Variants in TTC23 observed in about 807,000 individuals in gnomAD.
The protein encoded by TTC23 is tetratricopeptide repeat protein 23.
Under a neutral mutation model 55.1 loss-of-function variants are expected in TTC23, and 58 were observed. That is an observed-to-expected ratio of 1.05 (90% CI 0.85 to 1.31). TTC23 has a LOEUF of 1.31. TTC23 is among the 50% of genes most tolerant of loss of function. The probability of loss-of-function intolerance (pLI) is 0.00; values close to 1 mark genes in which losing one functional copy is unlikely to be tolerated. For missense variants in TTC23, 516 were observed against 534.4 expected, an observed-to-expected ratio of 0.97 and a Z score of 0.34; for synonymous variants, 203 against 199.9, an observed-to-expected ratio of 1.02 and a Z score of -0.13.
In TTC23 at chr15:99,199,937, G is replaced by A; in HGVS notation, c.741C>T (p.Ser247=). ...VEQALGLHDV[S]INHFLQAHLI... ...AGCTTACCTGGAGGAAGTGGTTGAT[G>A]GATACATCGTGGAGTCCCAGGGCTT... The change falls in exon 9 of 14, where the codon TCC becomes TCT. Residue 247 remains serine (S), a synonymous_variant. Coordinates refer to ENST00000394132, the MANE Select transcript of TTC23 (RefSeq NM_001288615.3). The A allele has an allele frequency of 6.2e-7, 1 of 1,611,562 alleles. No individual in the cohort carries two copies. Among genetic ancestry groups the A allele is most frequent in the South Asian group, 1.1e-5 (1 of 90,434 alleles).
intron 12 of TTC23, among the ~76,000 whole-genome samples, chr15:99,149,349 T>A (rs1567329496): frequency 6.6e-6 from 1 of 152,182 alleles, no homozygotes; most frequent in Non-Finnish European, 1.5e-5. Flanking sequence ...GTCTTTAAGA[T>A]GCCAATGCCA....
chr15:99,211,175 G>C (rs1567495403), intron 8 of TTC23, among the ~76,000 whole-genome samples: 1 of 152,168 alleles, frequency 6.6e-6, no homozygotes, highest in African/African-American at 2.4e-5. Flanking sequence ...AGGAGTTTGA[G>C]ACCAGCCTGG....
intron 9 of TTC23, among the ~76,000 whole-genome samples, chr15:99,178,848 C>T (rs562699854): frequency 4.6e-5 from 7 of 152,134 alleles, no homozygotes; most frequent in African/African-American, 1.4e-4. Flanking sequence ...AAGATGAGCA[C>T]GCTGGCTCCC....
chr15:99,187,476 A>AAAAAAAAAAAAAAAAAAAC (rs2074823768), intron 9 of TTC23, among the ~76,000 whole-genome samples: 1 of 148,960 alleles, frequency 6.7e-6, no homozygotes, highest in Admixed American at 6.7e-5. Flanking sequence ...AAACAAAACA[A>AAAAAAAAAAAAAAAAAAAC]AAGAAACCCA....
chr15:99,187,469 C>CAAAA (rs1451783999), intron 9 of TTC23, among the ~76,000 whole-genome samples: 8 of 110,656 alleles, frequency 7.2e-5, no homozygotes, highest in East Asian at 2.8e-4. Flanking sequence ...AAAAAAAAAA[C>CAAAA]AAAACAAAAG....
Position 99,147,383 on chromosome 15 carries a change from A to G in TTC23, c.1144-7984T>C, listed in dbSNP as rs201316285. 3.9e-3 allele frequency among the ~76,000 whole-genome samples: 591 copies of G among 151,224 alleles called. 1 individual carries two copies. Among genetic ancestry groups the G allele is most frequent in the South Asian group, 0.013 (64 of 4,772 alleles). ...TGGGACTACAGGCGCCCGCCACCAC[A>G]CCCGGCTAATTTTTTGTATTTTTAG... On this transcript the variant is annotated intron_variant, in intron 12 of 13. Transcript: ENST00000394132.
intron 5 of TTC23, among the ~76,000 whole-genome samples, chr15:99,225,899 G>A (rs548224613): frequency 5.3e-5 from 8 of 152,330 alleles, no homozygotes; most frequent in Admixed American, 1.3e-4. Flanking sequence ...ATCACTGTAC[G>A]AAGACAAACA....
chr15:99,168,328 A>G (rs1272121951), intron 10 of TTC23, among the ~76,000 whole-genome samples: 1 of 152,188 alleles, frequency 6.6e-6, no homozygotes, highest in African/African-American at 2.4e-5. Flanking sequence ...CCTGGTCGCC[A>G]TTGGGATCTG....
intron 10 of TTC23, among the ~76,000 whole-genome samples, chr15:99,172,102 T>C (rs1161973238): frequency 1.3e-5 from 2 of 148,152 alleles, no homozygotes; most frequent in Non-Finnish European, 3.0e-5. Context: ...ACTGTAACCT[T>C]TGCCTCCCAG....
chr15:99,184,719 T>C (rs1008815984), intron 9 of TTC23, among the ~76,000 whole-genome samples: 14 of 152,086 alleles, frequency 9.2e-5, no homozygotes, highest in African/African-American at 1.4e-4. Context: ...TGGGTTAACG[T>C]TGGAATGAGT....
chr15:99,237,517 G>A (rs755596709), intron 3 of TTC23, among the ~76,000 whole-genome samples: 3 of 152,142 alleles, frequency 2.0e-5, no homozygotes, highest in Non-Finnish European at 2.9e-5. Context: ...TAGTTATGCC[G>A]AGTGAAGAAG....
chr15:99,144,781 A>C (rs538840157), intron 12 of TTC23: 1 of 152,296 alleles, frequency 6.6e-6, no homozygotes, highest in East Asian at 1.9e-4. Flanking sequence ...AAGAAAGGTA[A>C]ATTTTAAAAA....
At chr15:99,202,248 A>T (rs2076258677) in intron 8 of TTC23, among the ~76,000 whole-genome samples, 1 of 152,236 alleles carries the variant, frequency 6.6e-6, no homozygotes, top group Non-Finnish European at 1.5e-5. Context: ...TTTAGCCTAG[A>T]GAACTCAGAC....
At chr15:99,206,663 C>CT (rs2152012995) in intron 8 of TTC23, among the ~76,000 whole-genome samples, 1 of 152,096 alleles carries the variant, frequency 6.6e-6, no homozygotes, top group South Asian at 2.1e-4. Context: ...GTATTGTCTC[C>CT]TTTTTTGTCT....
intron 9 of TTC23, among the ~76,000 whole-genome samples, chr15:99,176,699 A>G (rs2151935727): frequency 6.6e-6 from 1 of 152,328 alleles, no homozygotes; most frequent in South Asian, 2.1e-4. Flanking sequence ...TGTAAGCTGC[A>G]CTTTAATTCT....
At chr15:99,215,783 GA>G (rs924891141) in intron 8 of TTC23, among the ~76,000 whole-genome samples, 24 of 151,354 alleles carry the variant, frequency 1.6e-4, no homozygotes, top group African/African-American at 4.6e-4. Flanking sequence ...AAAAACAAAA[GA>G]AAAAAATGTA....
intron 12 of TTC23, 73 bp downstream of exon 12, chr15:99,156,075 A>C (rs916062908): frequency 1.2e-6 from 2 of 1,601,022 alleles, no homozygotes; most frequent in East Asian, 4.5e-5. Flanking sequence ...AAGAACCACC[A>C]CAAGGGAGAG....
intron 12 of TTC23, among the ~76,000 whole-genome samples, chr15:99,149,873 T>G (rs1291747094): frequency 1.3e-5 from 2 of 152,192 alleles, no homozygotes; most frequent in Non-Finnish European, 2.9e-5. Flanking sequence ...AGTGTGAAGG[T>G]CTGTGTGGTC....
chr15:99,226,999 C>G (rs1227770187), intron 5 of TTC23, among the ~76,000 whole-genome samples: 2 of 152,214 alleles, frequency 1.3e-5, no homozygotes, highest in Non-Finnish European at 2.9e-5. Context: ...TCTAGTTACA[C>G]AGAAAAGAAG....
Sources: gnomAD v4.1 joint callset for allele counts (sites outside exome capture counted in the v4.1 genomes callset) on GRCh38, gnomAD v4.1.1 for gene constraint, MANE v1.5 for transcripts, NCBI Gene and HGNC (gene_info 2026-07-23, HGNC 2026-07-21) for gene names.